The following CSMD1 variants were observed in gnomAD, a reference collection of about 807,000 sequenced individuals.
CSMD1 encodes the protein CUB and sushi domain-containing protein 1.
CSMD1 carries 213 observed loss-of-function variants against 417.5 expected under a neutral mutation model. The ratio of observed to expected loss-of-function variants is 0.51; its 90% CI spans 0.46 to 0.57. The LOEUF (loss-of-function observed/expected upper bound fraction) is 0.57. Ranked by LOEUF, CSMD1 falls within the 20% of genes least tolerant of loss-of-function variation. The probability of loss-of-function intolerance (pLI) is 0.00; values close to 1 mark genes in which losing one functional copy is unlikely to be tolerated. For synonymous variants in CSMD1, 2,862 were observed against 1,736.8 expected, an observed-to-expected ratio of 1.65 and a Z score of -16.11; for missense variants, 6,923 against 4,529.7, an observed-to-expected ratio of 1.53 and a Z score of -15.17.
At chr8:3,313,870 CA>C (rs1315650334) in intron 23 of CSMD1, among the ~76,000 whole-genome samples, 5 of 152,126 alleles carry the variant, frequency 3.3e-5, no homozygotes, top group African/African-American at 1.2e-4. Flanking sequence ...GGAACCAACC[CA>C]AATGTCCAAC....
At position 4,148,548 on chromosome 8, in the gene CSMD1, G is replaced by C. The variant is rs1444193384; in HGVS notation, c.416-116449C>G. Among the ~76,000 whole-genome samples, 3 of 152,008 alleles carry C rather than the reference G, an allele frequency of 2.0e-5. No individual in the cohort carries two copies. The East Asian group carries it at 5.8e-4, about 29-fold the overall frequency. On this transcript the variant is annotated intron_variant, in intron 3 of 69. Transcript: ENST00000635120. ...AAAAAAAACGCATTGGCTACTTGGAGTTCTGGAGGCTGAGACATTCAAGCT... is the reference window on the plus strand; with the variant it reads ...AAAAAAAACGCATTGGCTACTTGGACTTCTGGAGGCTGAGACATTCAAGCT...
At chr8:4,814,680 C>G (rs1237661984) in intron 1 of CSMD1, among the ~76,000 whole-genome samples, 1 of 152,140 alleles carries the variant, frequency 6.6e-6, no homozygotes, top group Non-Finnish European at 1.5e-5. Flanking sequence ...TGGGTGAACA[C>G]AACAGCAAAT....
intron 17 of CSMD1, among the ~76,000 whole-genome samples, chr8:3,388,679 T>A (rs5026896): frequency 0.68 from 103,204 of 152,070 alleles, 35,464 homozygotes; most frequent in African/African-American, 0.78. Flanking sequence ...TTAAACTGTT[T>A]TTCTAACAAA....
At chr8:3,179,759 A>G (rs1490567864) in intron 37 of CSMD1, among the ~76,000 whole-genome samples, 1 of 152,218 alleles carries the variant, frequency 6.6e-6, no homozygotes, top group African/African-American at 2.4e-5. Context: ...CTATCTACAG[A>G]GAGTCACAAA....
At chr8:3,820,328 C>G (rs1801658469) in intron 5 of CSMD1, among the ~76,000 whole-genome samples, 1 of 152,058 alleles carries the variant, frequency 6.6e-6, no homozygotes, top group South Asian at 2.1e-4. Flanking sequence ...AGATGAATTC[C>G]TCTTAGATAT....
intron 3 of CSMD1, among the ~76,000 whole-genome samples, chr8:4,386,401 T>C (rs1288752010): frequency 1.3e-5 from 2 of 152,226 alleles, no homozygotes; most frequent in Non-Finnish European, 2.9e-5. Flanking sequence ...CCATCCCCGG[T>C]TATGACTTCC....
intron 3 of CSMD1, among the ~76,000 whole-genome samples, chr8:4,267,337 G>T (rs1232571336): frequency 1.1e-5 from 1 of 87,316 alleles, no homozygotes; most frequent in East Asian, 3.0e-4. Context: ...ATAGCAATTA[G>T]GATGAAAAAG....
At chr8:3,753,130 G>C (rs1229293265) in intron 6 of CSMD1, among the ~76,000 whole-genome samples, 3 of 152,164 alleles carry the variant, frequency 2.0e-5, no homozygotes, top group Non-Finnish European at 4.4e-5. Flanking sequence ...CAGGTGTTCA[G>C]CGAATGCTAC....
intron 2 of CSMD1, among the ~76,000 whole-genome samples, chr8:4,459,891 C>A (rs1799704911): frequency 6.6e-6 from 1 of 152,124 alleles, no homozygotes; most frequent in East Asian, 1.9e-4. Context: ...CAGAACCTGA[C>A]AAAATTGCAT....
intron 2 of CSMD1, among the ~76,000 whole-genome samples, chr8:4,535,562 A>G (rs1239192526): frequency 6.6e-6 from 1 of 152,080 alleles, no homozygotes; most frequent in Non-Finnish European, 1.5e-5. Context: ...TCTCCAAGTT[A>G]CTCGTAGGTT....
At chr8:3,356,938 G>T (rs1808834312) in intron 21 of CSMD1, among the ~76,000 whole-genome samples, 2 of 152,194 alleles carry the variant, frequency 1.3e-5, no homozygotes, top group African/African-American at 4.8e-5. Flanking sequence ...AATCGATGGG[G>T]TTTTCACTTT....
At chr8:4,483,184 T>C (rs1801196925) in intron 2 of CSMD1, among the ~76,000 whole-genome samples, 1 of 152,144 alleles carries the variant, frequency 6.6e-6, no homozygotes, top group African/African-American at 2.4e-5. Flanking sequence ...TTTCACTTGG[T>C]TCTCATTCTC....
intron 3 of CSMD1, among the ~76,000 whole-genome samples, chr8:4,411,987 A>AGG (rs1287934744): frequency 6.2e-5 from 6 of 97,052 alleles, no homozygotes; most frequent in African/African-American, 1.1e-4. Flanking sequence ...AACATAGCTA[A>AGG]GGGTGTGTGT....
intron 3 of CSMD1, among the ~76,000 whole-genome samples, chr8:4,108,699 C>A (rs999084252): frequency 6.6e-6 from 1 of 151,492 alleles, no homozygotes; most frequent in Non-Finnish European, 1.5e-5. Context: ...GTTAAGCAGA[C>A]AATACTTAAA....
At chr8:4,906,066 C>T (rs1009396184) in intron 1 of CSMD1, among the ~76,000 whole-genome samples, 1 of 152,018 alleles carries the variant, frequency 6.6e-6, no homozygotes, top group Admixed American at 6.6e-5. Context: ...AACTTTCAGA[C>T]CCTCTCACCT....
intron 5 of CSMD1, among the ~76,000 whole-genome samples, chr8:3,955,213 C>CCT (rs1280335467): frequency 2.0e-5 from 3 of 152,248 alleles, no homozygotes; most frequent in Admixed American, 2.0e-4. Flanking sequence ...CTTGAATGCG[C>CCT]CTCTCTCTCC....
intron 10 of CSMD1, among the ~76,000 whole-genome samples, chr8:3,514,911 T>A (rs560335556): frequency 2.0e-3 from 302 of 152,322 alleles, no homozygotes; most frequent in Non-Finnish European, 3.3e-3. Context: ...TATATCTATA[T>A]GCTAAAGGCT....
chr8:3,589,379 GGTGTGT>G (rs58729391), intron 8 of CSMD1, among the ~76,000 whole-genome samples: 2,623 of 150,038 alleles, frequency 0.017, 75 homozygotes, highest in African/African-American at 0.058. Flanking sequence ...AAGAAAATGT[GGTGTGT>G]GTGTGTGTGT....
At chr8:4,378,755 G>C (rs981615475) in intron 3 of CSMD1, among the ~76,000 whole-genome samples, 2 of 152,174 alleles carry the variant, frequency 1.3e-5, no homozygotes, top group Non-Finnish European at 2.9e-5. Context: ...ATGAGGTTAT[G>C]AGAGCTCTGC....
Sources: allele counts gnomAD v4.1 joint callset (sites outside exome capture counted in the v4.1 genomes callset), GRCh38; gene constraint gnomAD v4.1.1; transcripts MANE v1.5; gene names NCBI Gene and HGNC (gene_info 2026-07-23, HGNC 2026-07-21).